The following UNC45B variants were observed in gnomAD, a reference collection of about 807,000 sequenced individuals.
UNC45B encodes the protein protein unc-45 homolog B.
Under a neutral mutation model 98.7 loss-of-function variants are expected in UNC45B, and 78 were observed. That is an observed-to-expected ratio of 0.79 (90% CI 0.66 to 0.95). UNC45B has a LOEUF of 0.95. Among genes scored for constraint, UNC45B ranks in the 40% least tolerant of loss-of-function variants. UNC45B has a pLI of 0.00. For missense variants in UNC45B, 1,225 were observed against 1,184.9 expected, an observed-to-expected ratio of 1.03 and a Z score of -0.50; for synonymous variants, 462 against 480.4, an observed-to-expected ratio of 0.96 and a Z score of 0.50.
chr17:35,182,773 T>C (rs2092281841), intron 18 of UNC45B, among the ~76,000 whole-genome samples: 1 of 151,604 alleles, frequency 6.6e-6, no homozygotes, highest in African/African-American at 2.4e-5. Flanking sequence ...CCTTTTGGAG[T>C]TCCACTTCTA....
intron 18 of UNC45B, among the ~76,000 whole-genome samples, chr17:35,182,001 A>G (rs2092277144): frequency 6.6e-6 from 1 of 151,948 alleles, no homozygotes; most frequent in African/African-American, 2.4e-5. Context: ...CTGCTGCAAC[A>G]ACCCAAGTCA....
chr17:35,177,058 G>C lies in UNC45B; in HGVS notation c.2067G>C (p.Lys689Asn). Residue 689 changes from lysine (K) to asparagine (N), a missense_variant, in exon 16 of 20, where the codon AAG becomes AAC. Lys to Asn is a moderately conservative substitution (Grantham distance 94, BLOSUM62 0). Coordinates refer to ENST00000394570, the MANE Select transcript of UNC45B (RefSeq NM_001267052.2). Reference protein sequence around the residue: ...PLALEGTDVGKVKAAHALAKI... With the variant: ...PLALEGTDVGNVKAAHALAKI... The stretch of plus-strand genomic sequence containing the variant: ...CTTTGGAGGGCACAGATGTGGGCAA[G>C]GTGAAGGCAGCCCACGCTCTAGCAA... The C allele has an allele frequency of 1.2e-6, 2 of 1,614,236 alleles. No homozygotes were observed. The highest frequency in any genetic ancestry group is 1.7e-6 in the Non-Finnish European group (2 of 1,180,044).
Position 35,187,604 on chromosome 17 carries a change from A to G in UNC45B, c.*1045A>G, listed in dbSNP as rs2092311786. On this transcript the variant is annotated 3_prime_UTR_variant, in exon 20 of 20. Coordinates refer to ENST00000394570, the MANE Select transcript of UNC45B (RefSeq NM_001267052.2). ...AATTGGCCAGGCCTGGGTCATATAT[A>G]CAAGTCTAGGGAAGAAATGAGCTTC... 3 of 152,238 alleles carry G rather than the reference A, an allele frequency of 2.0e-5. No homozygotes were observed. The highest frequency in any genetic ancestry group is 2.0e-4 in the Admixed American group (3 of 15,286). The allele number at this position is 152,238 out of a possible 1,614,324, so 9.4% of individuals were successfully genotyped here.
Position 35,150,181 on chromosome 17 carries a change from C to G in UNC45B, c.339C>G (p.Phe113Leu). The G allele has an allele frequency of 1.2e-6, 2 of 1,613,718 alleles. No homozygotes were observed. The highest frequency in any genetic ancestry group is 1.7e-6 in the Non-Finnish European group (2 of 1,179,782). The change falls in exon 4 of 20, where the codon TTC becomes TTG. Residue 113 changes from phenylalanine (F) to leucine (L), a missense_variant. Transcript: ENST00000394570. ...CATLEPRNQN[F>L]QEMLRRLNTS... ...CCCTCGAGCCACGGAACCAGAACTTCCAGGAGATGCTGAGGAGACTCAACA... is the reference window on the plus strand; with the variant it reads ...CCCTCGAGCCACGGAACCAGAACTTGCAGGAGATGCTGAGGAGACTCAACA...
At chr17:35,151,648 G>T (rs1340681029) in intron 4 of UNC45B, among the ~76,000 whole-genome samples, 1 of 152,168 alleles carries the variant, frequency 6.6e-6, no homozygotes, top group Non-Finnish European at 1.5e-5. Flanking sequence ...TCAGCCCCTT[G>T]CTCCAAGACT....
At chr17:35,170,036 T>A in intron 11 of UNC45B, 78 bp from the exon 12 acceptor site, 1 of 1,602,944 alleles carries the variant, frequency 6.2e-7, no homozygotes, top group Non-Finnish European at 8.5e-7. Context: ...TCACCCCTGG[T>A]TCACCACCCT....
chr17:35,177,302 G>T (rs963465978), intron 16 of UNC45B, among the ~76,000 whole-genome samples, 172 bp downstream of exon 16: 1 of 152,170 alleles, frequency 6.6e-6, no homozygotes, highest in Non-Finnish European at 1.5e-5. Flanking sequence ...CTGACAAACC[G>T]GATTGCCCTC....
intron 9 of UNC45B, among the ~76,000 whole-genome samples, chr17:35,167,379 G>A (rs2142561514): frequency 6.6e-6 from 1 of 152,300 alleles, no homozygotes; most frequent in East Asian, 1.9e-4. Context: ...CCAGTGCTTT[G>A]GGAGGCCAGG....
chr17:35,168,446 G>T, intron 10 of UNC45B, 85 bp downstream of exon 10: 1 of 1,218,786 alleles, frequency 8.2e-7, no homozygotes. Flanking sequence ...AGTTGAGGCT[G>T]CTGTCCTTGA....
rs575956686 is a variant in UNC45B, at chr17:35,150,829, A to ATC, written c.381+616_381+617dup. Among the ~76,000 whole-genome samples, 78 of 146,908 alleles carry ATC rather than the reference A, an allele frequency of 5.3e-4. 1 individual carries two copies. The highest frequency in any genetic ancestry group is 1.9e-3 in the African/African-American group (76 of 40,470). On this transcript the variant is annotated intron_variant, in intron 4 of 19. Transcript: ENST00000394570. ...TATAACTTAGTATGTCTGCAACATG[A>ATC]TCTCTCTCTCTTTCTATGTATTATA... is the stretch of plus-strand genomic sequence containing the variant.
At chr17:35,184,958 C>T (rs767762421) in intron 19 of UNC45B, among the ~76,000 whole-genome samples, 70 of 152,188 alleles carry the variant, frequency 4.6e-4, no homozygotes, top group Non-Finnish European at 8.1e-4. Flanking sequence ...GAATCCTATC[C>T]TTGTTGAGTT....
Position 35,170,374 on chromosome 17 carries a change from T to C in UNC45B, c.1689+119T>C, listed in dbSNP as rs560631889. The C allele has an allele frequency of 8.1e-4, 984 of 1,213,722 alleles. 1 individual carries two copies. Among genetic ancestry groups the C allele is most frequent in the Non-Finnish European group, 1.0e-3 (933 of 919,664 alleles). 75.2% of individuals were successfully genotyped at this position (1,213,722 alleles called of 1,614,324 possible). ...TCTACTCCTTACCCCTGTATAAACATGATTGGTTATTTCCCCCTTTCTGGC... is the reference window on the plus strand; with the variant it reads ...TCTACTCCTTACCCCTGTATAAACACGATTGGTTATTTCCCCCTTTCTGGC... On this transcript the variant is annotated intron_variant, in intron 12 of 19. Coordinates refer to ENST00000394570, the MANE Select transcript of UNC45B (RefSeq NM_001267052.2).
Position 35,174,063 on chromosome 17 carries a change from A to G in UNC45B, c.1831-179A>G, listed in dbSNP as rs537419239. Among the ~76,000 whole-genome samples, 25 of 152,178 alleles carry G rather than the reference A, an allele frequency of 1.6e-4. No homozygotes were observed. In the South Asian group the frequency reaches 4.1e-3, roughly 25 times the overall value. ...CCTAACCTCGTGGTCCGCCCGCCTC[A>G]GCCTCCCAAAGTGCTGGGATTACAG... On this transcript the variant is annotated intron_variant, in intron 13 of 19. Coordinates refer to ENST00000394570, the MANE Select transcript of UNC45B (RefSeq NM_001267052.2).
chr17:35,183,622 C>G, intron 19 of UNC45B, 40 bp downstream of exon 19: 1 of 1,458,776 alleles, frequency 6.9e-7, no homozygotes, highest in Non-Finnish European at 9.1e-7. Flanking sequence ...CTGGGTGGCT[C>G]CAGGGAATCT....
At chr17:35,170,653 T>C (rs1005363561) in intron 12 of UNC45B, among the ~76,000 whole-genome samples, 1 of 149,774 alleles carries the variant, frequency 6.7e-6, no homozygotes, top group Non-Finnish European at 1.5e-5. Flanking sequence ...CTAGGCAACA[T>C]GGTGAAACCC....
intron 9 of UNC45B, among the ~76,000 whole-genome samples, chr17:35,165,216 T>A (rs2092130404): frequency 6.6e-6 from 1 of 152,164 alleles, no homozygotes; most frequent in South Asian, 2.1e-4. Flanking sequence ...GGAACACATG[T>A]CAGCTTGTCA....
intron 15 of UNC45B, 105 bp from the exon 16 acceptor site, chr17:35,176,912 T>A: frequency 1.2e-6 from 1 of 811,994 alleles, no homozygotes. Context: ...CGGCAGAATT[T>A]TCCTGGACCT....
rs147145705 is a variant in UNC45B, at chr17:35,148,625, C to T, written c.168+194C>T. 5.0e-3 allele frequency among the ~76,000 whole-genome samples: 755 copies of T among 152,294 alleles called. 12 individuals are homozygous for T. The highest frequency in any genetic ancestry group is 0.018 in the African/African-American group (735 of 41,570). ...AGAAATTCATCCAGAGCAGAATCAG[C>T]CCAATGCCAGGTGCTTTCATGTGTT... On this transcript the variant is annotated intron_variant, in intron 2 of 19. Coordinates refer to ENST00000394570, the MANE Select transcript of UNC45B (RefSeq NM_001267052.2).
chr17:35,155,410 T>C lies in UNC45B; in HGVS notation c.754T>C (p.Leu252=), dbSNP rs561347865. Residue 252 remains leucine, a synonymous_variant, in exon 7 of 20, where the codon TTG becomes CTG. Transcript: ENST00000394570. ...CCTGCTCCAAGCCATCATTGACTCC[T>C]TGTCTGGGGAGGACAAGCGGGAGCA... ...CNLLQAIIDS[L]SGEDKREHRG... 1 of 1,614,136 alleles carries C rather than the reference T, an allele frequency of 6.2e-7. No individual in the cohort carries two copies. The highest frequency in any genetic ancestry group is 1.3e-5 in the African/African-American group (1 of 75,024).
Sources: allele counts gnomAD v4.1 joint callset (sites outside exome capture counted in the v4.1 genomes callset), GRCh38; gene constraint gnomAD v4.1.1; transcripts MANE v1.5; gene names NCBI Gene and HGNC (gene_info 2026-07-23, HGNC 2026-07-21).